The following NXPH2 variants were observed in gnomAD, a reference collection of about 807,000 sequenced individuals.
NXPH2 encodes the protein neurexophilin 2.
NXPH2 carries 5 observed loss-of-function variants against 19.8 expected under a neutral mutation model. The ratio of observed to expected loss-of-function variants is 0.25; its 90% CI spans 0.13 to 0.53. NXPH2 has a LOEUF of 0.53. NXPH2 is among the 20% of genes least tolerant of loss of function. NXPH2 has a pLI of 0.96. For missense variants in NXPH2, 289 were observed against 322.8 expected (o/e 0.90, Z 0.80); for synonymous variants, 154 against 127.4 (o/e 1.21, Z -1.41).
chr2:138,682,176 A>G (rs541440095), intron 1 of NXPH2, among the ~76,000 whole-genome samples: 1 of 152,366 alleles, frequency 6.6e-6, no homozygotes, highest in East Asian at 1.9e-4. Context: ...GATCAATTTT[A>G]TCGGCATCCC....
chr2:138,748,490 G>GGT (rs1681776251), intron 1 of NXPH2, among the ~76,000 whole-genome samples: 1 of 151,970 alleles, frequency 6.6e-6, no homozygotes, highest in South Asian at 2.1e-4. Flanking sequence ...AATAACAAAC[G>GGT]GTGTGCAAAA....
At chr2:138,742,696 C>T (rs923755858) in intron 1 of NXPH2, among the ~76,000 whole-genome samples, 2 of 152,202 alleles carry the variant, frequency 1.3e-5, no homozygotes, top group South Asian at 4.1e-4. Flanking sequence ...GGCATCTGCA[C>T]TTGCTGTTGG....
chr2:138,671,522 C>T lies in NXPH2; in HGVS notation c.195G>A (p.Val65=). Residue 65 remains valine, a synonymous_variant, in exon 2 of 2, where the codon GTG becomes GTA. Transcript: ENST00000272641. ...PLRLFVKQSP[V]PKPGPMAYAD... is the part of the protein sequence containing the mutation. ...CGTACGCCATGGGGCCGGGCTTGGG[C>T]ACCGGAGACTGTTTAACAAACAGGC... is the stretch of plus-strand genomic sequence containing the variant. 1.2e-6 allele frequency: 2 copies of T among 1,614,012 alleles called. No individual in the cohort carries two copies. Among genetic ancestry groups the T allele is most frequent in the Non-Finnish European group, 1.7e-6 (2 of 1,179,880 alleles).
intron 1 of NXPH2, among the ~76,000 whole-genome samples, chr2:138,759,496 G>A (rs975743874): frequency 2.0e-5 from 3 of 152,060 alleles, no homozygotes; most frequent in Non-Finnish European, 4.4e-5. Context: ...CTACATTCCA[G>A]GTGGGAAGGT....
chr2:138,673,224 G>A (rs1680437716), intron 1 of NXPH2, among the ~76,000 whole-genome samples: 2 of 152,108 alleles, frequency 1.3e-5, no homozygotes, highest in Admixed American at 6.5e-5. Flanking sequence ...CTTCTTAGGG[G>A]CTTATACACC....
intron 1 of NXPH2, among the ~76,000 whole-genome samples, chr2:138,701,062 T>A (rs142079019): frequency 6.6e-6 from 1 of 152,268 alleles, no homozygotes; most frequent in East Asian, 1.9e-4. Context: ...GATAATACCT[T>A]CTGGGGAAAA....
chr2:138,722,864 T>TG (rs1470644980), intron 1 of NXPH2, among the ~76,000 whole-genome samples: 2 of 152,212 alleles, frequency 1.3e-5, no homozygotes, highest in Non-Finnish European at 2.9e-5. Context: ...CACCTTCCTT[T>TG]GAGGTTCTTT....
At chr2:138,721,611 T>C (rs1435788096) in intron 1 of NXPH2, among the ~76,000 whole-genome samples, 2 of 152,144 alleles carry the variant, frequency 1.3e-5, no homozygotes, top group African/African-American at 2.4e-5. Flanking sequence ...TTTTATTTTT[T>C]AAGTCACAAT....
intron 1 of NXPH2, among the ~76,000 whole-genome samples, chr2:138,748,943 A>G (rs1681784588): frequency 6.6e-6 from 1 of 152,196 alleles, no homozygotes; most frequent in African/African-American, 2.4e-5. Flanking sequence ...CTTTTTCACT[A>G]CTGCTCTTAC....
At chr2:138,709,177 A>C (rs1573961923) in intron 1 of NXPH2, among the ~76,000 whole-genome samples, 1 of 151,888 alleles carries the variant, frequency 6.6e-6, no homozygotes, top group East Asian at 1.9e-4. Context: ...TGCTGGCTCC[A>C]CTCGAGACGG....
At chr2:138,717,170 T>A (rs1016865987) in intron 1 of NXPH2, among the ~76,000 whole-genome samples, 1 of 151,874 alleles carries the variant, frequency 6.6e-6, no homozygotes, top group African/African-American at 2.4e-5. Context: ...TAAGGAAAAA[T>A]ATGCAGGATA....
chr2:138,669,364 G>T lies in NXPH2; in HGVS notation c.*1558C>A, dbSNP rs1402659414. Among the ~76,000 whole-genome samples the T allele has an allele frequency of 4.0e-5, 6 of 151,892 alleles. No homozygotes were observed. Among genetic ancestry groups the T allele is most frequent in the Non-Finnish European group, 5.9e-5 (4 of 67,938 alleles). ...CAACCACAAAATTACAAAAACATGTGGTGAACTCAGAGCAAGAACTTCAAG... is the reference window on the plus strand; with the variant it reads ...CAACCACAAAATTACAAAAACATGTTGTGAACTCAGAGCAAGAACTTCAAG... On this transcript the variant is annotated 3_prime_UTR_variant, in exon 2 of 2. Coordinates refer to ENST00000272641, the MANE Select transcript of NXPH2 (RefSeq NM_007226.3).
intron 1 of NXPH2, among the ~76,000 whole-genome samples, chr2:138,723,943 T>TTTA (rs1266285494): frequency 6.6e-6 from 1 of 151,752 alleles, no homozygotes; most frequent in Non-Finnish European, 1.5e-5. Flanking sequence ...TCTTTTTTTT[T>TTTA]TTTTTAACTT....
rs766908982 is a variant in NXPH2, at chr2:138,671,554, G to T, written c.163C>A (p.Pro55Thr). The stretch of plus-strand genomic sequence containing the variant: ...GACTGTTTAACAAACAGGCGCAGGG[G>T]ACTGATGATCCTTGAGTGCACCACG... ...GNVVHSRIIS[P>T]LRLFVKQSPV... The change falls in exon 2 of 2, where the codon CCC becomes ACC. Residue 55 changes from proline (P) to threonine (T), a missense_variant. Transcript: ENST00000272641. The T allele has an allele frequency of 1.9e-6, 3 of 1,613,984 alleles. No individual in the cohort carries two copies. Among genetic ancestry groups the T allele is most frequent in the East Asian group, 4.5e-5 (2 of 44,878 alleles).
At chr2:138,765,877 C>T (rs938338443) in intron 1 of NXPH2, among the ~76,000 whole-genome samples, 1 of 152,186 alleles carries the variant, frequency 6.6e-6, no homozygotes, top group Non-Finnish European at 1.5e-5. Flanking sequence ...TTTGTGATTG[C>T]CAATTTCAAT....
At chr2:138,697,686 G>T (rs1444456080) in intron 1 of NXPH2, among the ~76,000 whole-genome samples, 2 of 151,442 alleles carry the variant, frequency 1.3e-5, no homozygotes, top group Non-Finnish European at 2.9e-5. Context: ...TTCATTTTCA[G>T]ATTAAACACA....
At chr2:138,678,619 A>G (rs562754348) in intron 1 of NXPH2, among the ~76,000 whole-genome samples, 3 of 152,222 alleles carry the variant, frequency 2.0e-5, no homozygotes, top group East Asian at 3.9e-4. Flanking sequence ...GCAATTTTAC[A>G]TGTTGTTAAT....
chr2:138,730,811 G>C (rs996243178), intron 1 of NXPH2, among the ~76,000 whole-genome samples: 15 of 152,110 alleles, frequency 9.9e-5, no homozygotes, highest in African/African-American at 3.6e-4. Flanking sequence ...CCCAATTCCT[G>C]ACCACAAAAC....
chr2:138,729,497 T>C (rs1433063058), intron 1 of NXPH2, among the ~76,000 whole-genome samples: 1 of 152,222 alleles, frequency 6.6e-6, no homozygotes, highest in Non-Finnish European at 1.5e-5. Context: ...TATGTCCTTA[T>C]AGCAGTGTAA....
Sources: allele counts gnomAD v4.1 joint callset (sites outside exome capture counted in the v4.1 genomes callset), GRCh38; gene constraint gnomAD v4.1.1; transcripts MANE v1.5; gene names NCBI Gene and HGNC (gene_info 2026-07-23, HGNC 2026-07-21).